Variants in SMOC2 observed in about 807,000 individuals in gnomAD.
SMOC2 encodes the protein SPARC-related modular calcium-binding protein 2.
A neutral mutation model predicts 61.4 loss-of-function variants in SMOC2; 39 were observed. The ratio of observed to expected loss-of-function variants is 0.64; its 90% CI spans 0.49 to 0.83. The LOEUF is 0.83. Ranked by LOEUF, SMOC2 falls within the 40% of genes least tolerant of loss-of-function variation. The pLI, the probability that SMOC2 is intolerant of heterozygous loss-of-function variation, is 0.00. For missense variants in SMOC2, 556 were observed against 592.9 expected (o/e 0.94, Z 0.65); for synonymous variants, 247 against 239.9 (o/e 1.03, Z -0.27).
At position 168,606,235 on chromosome 6, in the gene SMOC2, C is replaced by T. The variant is rs566730392; in HGVS notation, c.825-1922C>T. ...TGGGTAACAGGTCCTTTACTGAGTT[C>T]GCCTTTCTTGTGACCTCTTGGAGCT... On this transcript the variant is annotated intron_variant, in intron 8 of 12. Transcript: ENST00000356284. 4.6e-5 allele frequency among the ~76,000 whole-genome samples: 7 copies of T among 152,288 alleles called. No homozygotes were observed. In the South Asian group the frequency reaches 6.2e-4, roughly 14 times the overall value.
chr6:168,626,383 T>G (rs1786410864), intron 9 of SMOC2, among the ~76,000 whole-genome samples: 1 of 152,176 alleles, frequency 6.6e-6, no homozygotes, highest in African/African-American at 2.4e-5. Flanking sequence ...GTGTGCGAGA[T>G]TTCTGCAGGC....
chr6:168,566,069 A>G (rs1200718975), intron 7 of SMOC2, among the ~76,000 whole-genome samples: 1 of 152,194 alleles, frequency 6.6e-6, no homozygotes, highest in African/African-American at 2.4e-5. Context: ...TATGGGGACC[A>G]TCCAAGCATA....
chr6:168,649,371 A>G (rs2115271455), intron 9 of SMOC2, among the ~76,000 whole-genome samples: 1 of 152,254 alleles, frequency 6.6e-6, no homozygotes, highest in African/African-American at 2.4e-5. Flanking sequence ...CAGGCTCAGA[A>G]GTCTCCGTGG....
At chr6:168,443,361 G>C (rs890671364) in intron 1 of SMOC2, among the ~76,000 whole-genome samples, 1 of 152,152 alleles carries the variant, frequency 6.6e-6, no homozygotes, top group Non-Finnish European at 1.5e-5. Context: ...TTGCCCCCTT[G>C]AGGTTGCCCC....
chr6:168,498,459 T>C (rs1782645187), intron 1 of SMOC2, among the ~76,000 whole-genome samples: 1 of 151,294 alleles, frequency 6.6e-6, no homozygotes, highest in East Asian at 2.0e-4. Context: ...TGCCAGAAAA[T>C]GTCGAGGCTA....
intron 9 of SMOC2, among the ~76,000 whole-genome samples, chr6:168,648,593 G>A (rs1048487439): frequency 3.9e-5 from 6 of 152,232 alleles, no homozygotes; most frequent in African/African-American, 9.6e-5. Context: ...GGGGATGTTC[G>A]ATGAGACTGT....
intron 7 of SMOC2, among the ~76,000 whole-genome samples, chr6:168,568,629 TATC>T (rs907304422): frequency 6.6e-6 from 1 of 152,118 alleles, no homozygotes; most frequent in Non-Finnish European, 1.5e-5. Flanking sequence ...ACCATCATGG[TATC>T]ATATAGAGTT....
intron 9 of SMOC2, among the ~76,000 whole-genome samples, chr6:168,648,631 C>A (rs1787108696): frequency 6.6e-6 from 1 of 152,216 alleles, no homozygotes; most frequent in African/African-American, 2.4e-5. Flanking sequence ...GTAGCATTTG[C>A]CCCGTGGCCG....
rs1562415233 is a variant in SMOC2, at chr6:168,666,419, A to T, written c.1324-2A>T. 7.4e-6 allele frequency: 12 copies of T among 1,613,792 alleles called. No individual in the cohort carries two copies. The highest frequency in any genetic ancestry group is 1.0e-5 in the Non-Finnish European group (12 of 1,179,986). ...GTCTCTTTTTTGTTTTTTCCTTTTC[A>T]GCCAAGGAAACAAGGATAAATGGCT... On this transcript the variant is annotated splice_acceptor_variant, in intron 12 of 12. Coordinates refer to ENST00000356284, the MANE Select transcript of SMOC2 (RefSeq NM_001166412.2). LOFTEE classifies it high-confidence loss of function.
At chr6:168,508,906 A>G (rs557967755) in intron 1 of SMOC2, among the ~76,000 whole-genome samples, 7,277 of 152,266 alleles carry the variant, frequency 0.048, 562 homozygotes, top group African/African-American at 0.16. Context: ...ATCAAGGAGA[A>G]TACCCCTTGG....
intron 7 of SMOC2, among the ~76,000 whole-genome samples, chr6:168,575,196 C>T (rs4397202): frequency 0.084 from 12,786 of 152,192 alleles, 832 homozygotes; most frequent in African/African-American, 0.18. Flanking sequence ...GAGCTCAGCA[C>T]CGAGTGGCTC....
At chr6:168,454,845 C>T (rs749433814) in intron 1 of SMOC2, among the ~76,000 whole-genome samples, 42 of 152,318 alleles carry the variant, frequency 2.8e-4, no homozygotes, top group East Asian at 9.7e-4. Context: ...ACAGGTTGTG[C>T]GTGGCCAGTG....
rs528651700 is a variant in SMOC2, at chr6:168,536,408, G to A, written c.464-7217G>A. On this transcript the variant is annotated intron_variant, in intron 4 of 12. Transcript: ENST00000356284. ...GGAGCAGTGCCTTCAGAGGCTGACAGGAGCTGGCGGATAAGGAGGTGGTTG... is the reference window on the plus strand; with the variant it reads ...GGAGCAGTGCCTTCAGAGGCTGACAAGAGCTGGCGGATAAGGAGGTGGTTG... Among the ~76,000 whole-genome samples the A allele has an allele frequency of 1.3e-3, 195 of 152,220 alleles. 1 individual carries two copies. The highest frequency in any genetic ancestry group is 5.2e-3 in the South Asian group (25 of 4,828).
chr6:168,604,655 G>T (rs1422256602), intron 8 of SMOC2, among the ~76,000 whole-genome samples: 1 of 152,142 alleles, frequency 6.6e-6, no homozygotes, highest in Non-Finnish European at 1.5e-5. Context: ...TTTCCTGATG[G>T]GGAAGAAACA....
rs1339810435 is a variant in SMOC2 at position 168,475,745 on chromosome 6, A to G, written c.85-34170A>G. ...ACTGCTCGGCGTTAGAAGAAGAAGT[A>G]GTGAAGGGCAGTATTGGTGGAATAG... On this transcript the variant is annotated intron_variant, in intron 1 of 12. Transcript: ENST00000356284. This position sits in a 1 kb window ranked among gnomAD's most constrained non-coding sequence, Gnocchi z 4.6. Among the ~76,000 whole-genome samples the G allele has an allele frequency of 6.6e-6, 1 of 152,258 alleles. No individual in the cohort carries two copies. The highest frequency in any genetic ancestry group is 1.9e-4 in the East Asian group (1 of 5,180).
intron 4 of SMOC2, among the ~76,000 whole-genome samples, chr6:168,534,635 A>G (rs1783691972): frequency 1.3e-5 from 2 of 152,236 alleles, no homozygotes; most frequent in South Asian, 4.1e-4. Flanking sequence ...AACTTTTTCT[A>G]TTCAGGAAAA....
At chr6:168,480,119 A>G (rs142901140) in intron 1 of SMOC2, among the ~76,000 whole-genome samples, 36 of 152,312 alleles carry the variant, frequency 2.4e-4, no homozygotes, top group African/African-American at 8.7e-4. Context: ...TAACAACAAC[A>G]AACCCCAAGC....
chr6:168,524,635 A>G (rs1031406136), intron 2 of SMOC2, among the ~76,000 whole-genome samples: 1 of 152,228 alleles, frequency 6.6e-6, no homozygotes, highest in African/African-American at 2.4e-5. Context: ...GACAGTCAAA[A>G]CCACAGGTTA....
intron 11 of SMOC2, among the ~76,000 whole-genome samples, chr6:168,657,288 G>A (rs777690597): frequency 4.6e-5 from 7 of 152,230 alleles, no homozygotes; most frequent in Non-Finnish European, 8.8e-5. Flanking sequence ...GGACACACAG[G>A]CACTGCAGTC....
Sources: allele counts gnomAD v4.1 joint callset (sites outside exome capture counted in the v4.1 genomes callset), GRCh38; gene constraint gnomAD v4.1.1; non-coding constraint Gnocchi (gnomAD v3.1); transcripts MANE v1.5; gene names NCBI Gene and HGNC (gene_info 2026-07-23, HGNC 2026-07-21).